CREBBP: variants seen among roughly 807,000 people sequenced by gnomAD.
The protein encoded by CREBBP is CREB binding lysine acetyltransferase.
A neutral mutation model predicts 265.0 loss-of-function variants in CREBBP; 19 were observed. That is an observed-to-expected ratio of 0.07 (90% CI 0.05 to 0.11). The LOEUF is 0.11. Among genes scored for constraint, CREBBP ranks in the 10% least tolerant of loss-of-function variants. CREBBP has a pLI of 1.00. For synonymous variants in CREBBP, 1,457 were observed against 1,223.7 expected (o/e 1.19, Z -3.98); for missense variants, 2,525 against 3,219.0 (o/e 0.78, Z 5.22).
At position 3,850,603 on chromosome 16, in the gene CREBBP, G is replaced by A. The variant is rs1267525359; in HGVS notation, c.492C>T (p.Ser164=). The stretch of plus-strand genomic sequence containing the variant: ...GTCCAGTCTGTGACGTGGCAGGGCT[G>A]CTAGTCGCCAGCCCCACTTGCTTTT... ...QAQKQVGLAT[S]SPATSQTGPG... The change falls in exon 2 of 31, where the codon AGC becomes AGT. Residue 164 remains serine, a synonymous_variant. Transcript: ENST00000262367. 1.2e-6 allele frequency: 2 copies of A among 1,614,128 alleles called. No individual in the cohort carries two copies. The highest frequency in any genetic ancestry group is 1.7e-6 in the Non-Finnish European group (2 of 1,180,054).
chr16:3,798,800 T>C (rs919747726), intron 3 of CREBBP, among the ~76,000 whole-genome samples: 3 of 152,176 alleles, frequency 2.0e-5, no homozygotes, highest in African/African-American at 7.2e-5. Flanking sequence ...AAACATAAAA[T>C]TACCACATGA....
At chr16:3,768,710 C>A (rs1365298960) in intron 15 of CREBBP, among the ~76,000 whole-genome samples, 1 of 152,118 alleles carries the variant, frequency 6.6e-6, no homozygotes, top group Non-Finnish European at 1.5e-5. Context: ...TCTCATTTTT[C>A]AAGAAAAGCC....
intron 21 of CREBBP, among the ~76,000 whole-genome samples, chr16:3,747,511 T>C (rs2052369476): frequency 6.6e-6 from 1 of 152,178 alleles, no homozygotes; most frequent in Admixed American, 6.5e-5. Context: ...GTCCCTTCTG[T>C]CTGGGACTCA....
intron 2 of CREBBP, among the ~76,000 whole-genome samples, chr16:3,832,935 A>C (rs2054371718): frequency 6.6e-6 from 1 of 152,186 alleles, no homozygotes; most frequent in Admixed American, 6.5e-5. Flanking sequence ...TAAATGAAAA[A>C]AGATGTGGCA....
intron 2 of CREBBP, among the ~76,000 whole-genome samples, chr16:3,837,070 CTTAAG>C (rs1160220452): frequency 1.4e-4 from 22 of 152,230 alleles, no homozygotes; most frequent in African/African-American, 3.6e-4. Flanking sequence ...TCTACTTTTT[CTTAAG>C]TTAACTGTAA....
rs2141237766 is a variant in CREBBP, at chr16:3,778,766, G to A, written c.1875C>T (p.Arg625=). The A allele has an allele frequency of 6.2e-7, 1 of 1,614,110 alleles. No individual in the cohort carries two copies. Among genetic ancestry groups the A allele is most frequent in the Non-Finnish European group, 8.5e-7 (1 of 1,179,976 alleles). Reference sequence around the variant, plus strand: ...TAGCATAGGCTACCAGGTTTTCCATGCGGCGATCCTTTAGAGCTGCGGGAT... The same window carrying A: ...TAGCATAGGCTACCAGGTTTTCCATACGGCGATCCTTTAGAGCTGCGGGAT... ...TPDPAALKDR[R]MENLVAYAKK... Residue 625 remains arginine, a synonymous_variant, in exon 9 of 31, where the codon CGC becomes CGT. Transcript: ENST00000262367.
chr16:3,774,838 AGAT>A, intron 11 of CREBBP, 145 bp from the exon 12 acceptor site: 2 of 1,087,602 alleles, frequency 1.8e-6, no homozygotes, highest in Non-Finnish European at 2.7e-6. Context: ...TAATCAATGA[AGAT>A]GATGAAGGAA....
chr16:3,851,807 T>C (rs1228693327), intron 1 of CREBBP, among the ~76,000 whole-genome samples: 192 of 139,680 alleles, frequency 1.4e-3, no homozygotes, highest in African/African-American at 5.1e-3. Flanking sequence ...TGAGCCGAGA[T>C]TGCGCCACTG....
At position 3,835,158 on chromosome 16, in the gene CREBBP, CCAAAACAAAA is replaced by C. The variant is rs574045112; in HGVS notation, c.798+15129_798+15138del. Among the ~76,000 whole-genome samples, 329 of 151,946 alleles carry C rather than the reference CCAAAACAAAA, an allele frequency of 2.2e-3. No individual in the cohort carries two copies. The Middle Eastern group carries it at 0.027, about 13-fold the overall frequency. On this transcript the variant is annotated intron_variant, in intron 2 of 30. Coordinates refer to ENST00000262367, the MANE Select transcript of CREBBP (RefSeq NM_004380.3). ...TGGGCAAAAGAGCGAGACTCCTTCT[CCAAAACAAAA>C]CAAAACAAACAAACAAAAAAGCTTT...
Position 3,731,548 on chromosome 16 carries a change from C to G in CREBBP, c.4891-75G>C, listed in dbSNP as rs2051917181. The G allele has an allele frequency of 6.6e-7, 1 of 1,525,438 alleles. No homozygotes were observed. Among genetic ancestry groups the G allele is most frequent in the South Asian group, 1.2e-5 (1 of 85,516 alleles). 94.5% of individuals were successfully genotyped at this position (1,525,438 alleles called of 1,614,324 possible). A position where few individuals can be genotyped will look rare whatever the true frequency, so the allele number is the denominator to read the frequency against. On this transcript the variant is annotated intron_variant, in intron 29 of 30. Coordinates refer to ENST00000262367, the MANE Select transcript of CREBBP (RefSeq NM_004380.3). The surrounding 1 kb of genome is among the most constrained non-coding windows in gnomAD (Gnocchi z 7.7). ...AGTGGTGAGCTCAGGGCAGGCGCAG[C>G]CACCCAGCCTGCAGAATAGGCAGGT... is the stretch of plus-strand genomic sequence containing the variant.
At chr16:3,814,213 T>TG (rs2053992961) in intron 2 of CREBBP, among the ~76,000 whole-genome samples, 3 of 85,270 alleles carry the variant, frequency 3.5e-5, no homozygotes, top group African/African-American at 1.4e-4. Flanking sequence ...CAGAGTCTCG[T>TG]TCTGTGTGTG....
intron 8 of CREBBP, among the ~76,000 whole-genome samples, chr16:3,779,058 T>C (rs1343597482): frequency 1.3e-5 from 2 of 151,486 alleles, no homozygotes; most frequent in Non-Finnish European, 1.5e-5. Flanking sequence ...TCCCAGCTAC[T>C]CGGGAGGCTG....
At chr16:3,750,721 G>A (rs909760657) in intron 20 of CREBBP, among the ~76,000 whole-genome samples, 1 of 152,146 alleles carries the variant, frequency 6.6e-6, no homozygotes, top group Non-Finnish European at 1.5e-5. Flanking sequence ...TAAACAACAG[G>A]TAAAGCACTA....
chr16:3,868,881 T>C (rs1455588103), intron 1 of CREBBP, among the ~76,000 whole-genome samples: 1 of 152,142 alleles, frequency 6.6e-6, no homozygotes, highest in Admixed American at 6.5e-5. Context: ...TGTGCTTAAA[T>C]ATTTGCTGAA....
intron 16 of CREBBP, among the ~76,000 whole-genome samples, chr16:3,762,376 T>A (rs1291018423): frequency 1.3e-5 from 2 of 149,542 alleles, no homozygotes; most frequent in Non-Finnish European, 3.0e-5. Context: ...TTTTTTTTTT[T>A]TTTTTGAGAT....
intron 20 of CREBBP, among the ~76,000 whole-genome samples, chr16:3,751,093 C>T (rs1177245859): frequency 1.3e-5 from 2 of 151,932 alleles, no homozygotes; most frequent in South Asian, 2.1e-4. Flanking sequence ...TTCTAATTCC[C>T]CAAAATGGAA....
chr16:3,879,897 T>C lies in CREBBP; in HGVS notation c.20A>G (p.Asp7Gly). MAENLLDGPPNPKRAKL... is the reference protein window; with the variant it reads MAENLLGGPPNPKRAKL... ...GGCTCTTTTGGGGTTGGGCGGTCCG[T>C]CCAGCAAGTTCTCAGCCATTTTCAC... Residue 7 changes from aspartate (D) to glycine (G), a missense_variant, in exon 1 of 31, where the codon GAC becomes GGC. Asp to Gly is a moderately conservative substitution (Grantham distance 94). Coordinates refer to ENST00000262367, the MANE Select transcript of CREBBP (RefSeq NM_004380.3). 1.2e-6 allele frequency: 2 copies of C among 1,612,046 alleles called. No homozygotes were observed. Among genetic ancestry groups the C allele is most frequent in the South Asian group, 1.1e-5 (1 of 90,722 alleles).
At chr16:3,787,070 C>CAAAAAAAAAAAAAAAAAAAAAA (rs757962926) in intron 5 of CREBBP, among the ~76,000 whole-genome samples, 33 of 86,972 alleles carry the variant, frequency 3.8e-4, no homozygotes, top group South Asian at 1.0e-3. Context: ...GACTTCGTCT[C>CAAAAAAAAAAAAAAAAAAAAAA]AAAAAAAAAA....
At chr16:3,801,912 C>T (rs532828665) in intron 3 of CREBBP, among the ~76,000 whole-genome samples, 1 of 152,106 alleles carries the variant, frequency 6.6e-6, no homozygotes, top group East Asian at 1.9e-4. Flanking sequence ...CTGCCTGTTA[C>T]TATTTTGAGC....
Sources: allele counts gnomAD v4.1 joint callset (sites outside exome capture counted in the v4.1 genomes callset), GRCh38; gene constraint gnomAD v4.1.1; non-coding constraint Gnocchi (gnomAD v3.1); transcripts MANE v1.5; gene names NCBI Gene and HGNC (gene_info 2026-07-23, HGNC 2026-07-21).